The following NBEA variants were observed in gnomAD, a reference collection of about 807,000 sequenced individuals.
The protein encoded by NBEA is neurobeachin.
A neutral mutation model predicts 343.4 loss-of-function variants in NBEA; 44 were observed. That is an observed-to-expected ratio of 0.13 (90% CI 0.10 to 0.16). NBEA has a LOEUF of 0.16. Among genes scored for constraint, NBEA ranks in the 10% least tolerant of loss-of-function variants. NBEA has a pLI of 1.00. For missense variants in NBEA, 2,555 were observed against 3,631.3 expected, an observed-to-expected ratio of 0.70 and a Z score of 7.62; for synonymous variants, 1,175 against 1,238.7, an observed-to-expected ratio of 0.95 and a Z score of 1.08.
chr13:35,521,143 T>C (rs536947493), intron 41 of NBEA, among the ~76,000 whole-genome samples: 2 of 152,010 alleles, frequency 1.3e-5, no homozygotes, highest in East Asian at 1.9e-4. Context: ...TAAGGGAGGA[T>C]AATATTAGAT....
At chr13:34,992,262 ATTTT>A (rs1261240105) in intron 1 of NBEA, among the ~76,000 whole-genome samples, 1 of 114,366 alleles carries the variant, frequency 8.7e-6, no homozygotes. Context: ...ATATATATAT[ATTTT>A]TTTTTTTAGA....
intron 17 of NBEA, among the ~76,000 whole-genome samples, chr13:35,124,850 TGTAA>T (rs2067032610): frequency 6.6e-6 from 1 of 151,870 alleles, no homozygotes; most frequent in African/African-American, 2.4e-5. Context: ...TATATGGAAC[TGTAA>T]GTACACTTGG....
intron 22 of NBEA, 25 bp downstream of exon 22, chr13:35,160,057 G>T: frequency 6.7e-7 from 1 of 1,498,826 alleles, no homozygotes; most frequent in Non-Finnish European, 8.9e-7. Flanking sequence ...ATGAGTTCTA[G>T]AAATAAATAA....
intron 48 of NBEA, among the ~76,000 whole-genome samples, chr13:35,615,949 G>T (rs761373803): frequency 2.6e-5 from 4 of 152,156 alleles, no homozygotes; most frequent in African/African-American, 4.8e-5. Context: ...AGGAAACCCT[G>T]AACTTACAGC....
intron 36 of NBEA, among the ~76,000 whole-genome samples, chr13:35,332,522 G>A (rs1449815904): frequency 6.6e-6 from 1 of 151,788 alleles, no homozygotes; most frequent in African/African-American, 2.4e-5. Flanking sequence ...ATTTAACTTT[G>A]GATAACACCA....
At chr13:35,640,422 T>C (rs2083891054) in intron 49 of NBEA, among the ~76,000 whole-genome samples, 1 of 152,222 alleles carries the variant, frequency 6.6e-6, no homozygotes, top group African/African-American at 2.4e-5. Context: ...TTTCTCTGGC[T>C]CTCCAGGTAG....
chr13:35,660,332 A>G (rs1219177102), intron 55 of NBEA, among the ~76,000 whole-genome samples: 1 of 152,200 alleles, frequency 6.6e-6, no homozygotes, highest in Non-Finnish European at 1.5e-5. Context: ...AGTTTGATAT[A>G]CATACATACA....
intron 36 of NBEA, among the ~76,000 whole-genome samples, chr13:35,344,452 A>G (rs1470508267): frequency 6.6e-6 from 1 of 152,006 alleles, no homozygotes; most frequent in African/African-American, 2.4e-5. Flanking sequence ...AATAAGATAC[A>G]GTGGAGAAGA....
intron 31 of NBEA, among the ~76,000 whole-genome samples, chr13:35,198,784 C>T (rs1327277642): frequency 6.8e-6 from 1 of 148,128 alleles, no homozygotes; most frequent in Admixed American, 6.7e-5. Context: ...GTCTCGGGGG[C>T]GCTGATGACG....
At chr13:34,977,231 C>T (rs1479658604) in intron 1 of NBEA, among the ~76,000 whole-genome samples, 3 of 151,974 alleles carry the variant, frequency 2.0e-5, no homozygotes, top group African/African-American at 4.8e-5. Flanking sequence ...TGAGCCACTG[C>T]GCCCAGCTAG....
chr13:35,373,660 G>A (rs1220983422), intron 38 of NBEA, among the ~76,000 whole-genome samples: 1 of 151,608 alleles, frequency 6.6e-6, no homozygotes, highest in Admixed American at 6.6e-5. Context: ...AGATGTGATG[G>A]CGCCACTGCA....
intron 24 of NBEA, among the ~76,000 whole-genome samples, chr13:35,167,790 A>G (rs141860078): frequency 8.0e-4 from 121 of 151,984 alleles, no homozygotes; most frequent in African/African-American, 2.7e-3. Flanking sequence ...TTGGTCATAA[A>G]TGAAAGTGAA....
At position 34,942,702 on chromosome 13, in the gene NBEA, C is replaced by G; in HGVS notation, c.-119C>G. 1.3e-6 allele frequency: 1 copy of G among 753,730 alleles called. No homozygotes were observed. Among genetic ancestry groups the G allele is most frequent in the Non-Finnish European group, 1.8e-6 (1 of 556,022 alleles). The allele number at this position is 753,730 out of a possible 1,614,324, so 46.7% of individuals were successfully genotyped here. On this transcript the variant is annotated 5_prime_UTR_variant, in exon 1 of 59. Transcript: ENST00000379939. ...CAGGCGGGGAGCGGGCCCGGCGCCG[C>G]GGCGCTGGTGGATGCTGGGGCTCCG...
intron 45 of NBEA, among the ~76,000 whole-genome samples, chr13:35,583,393 C>CTA: frequency 6.6e-6 from 1 of 152,254 alleles, no homozygotes; most frequent in East Asian, 1.9e-4. Flanking sequence ...GTTGTTCCAT[C>CTA]TATATACTAA....
At position 35,547,109 on chromosome 13, in the gene NBEA, G is replaced by A. The variant is rs1266006148; in HGVS notation, c.6586-3368G>A. Among the ~76,000 whole-genome samples, 13 of 152,292 alleles carry A rather than the reference G, an allele frequency of 8.5e-5. No individual in the cohort carries two copies. The South Asian group carries it at 1.9e-3, about 22-fold the overall frequency. On this transcript the variant is annotated intron_variant, in intron 41 of 58. Transcript: ENST00000379939. The stretch of plus-strand genomic sequence containing the variant: ...TTTCAGATGCTTAAATATAACATGG[G>A]TTATTGTAAAGTAATTAGGTAGGTT...
At chr13:35,539,240 G>A (rs1474430916) in intron 41 of NBEA, among the ~76,000 whole-genome samples, 2 of 152,012 alleles carry the variant, frequency 1.3e-5, no homozygotes, top group Non-Finnish European at 2.9e-5. Flanking sequence ...TAAAAAGGTG[G>A]GTACAGGGTT....
chr13:35,460,417 G>A (rs7999665), intron 40 of NBEA, among the ~76,000 whole-genome samples: 2,679 of 152,258 alleles, frequency 0.018, 92 homozygotes, highest in African/African-American at 0.062. Context: ...AGCTCTTAGA[G>A]ACAACATTAA....
intron 1 of NBEA, among the ~76,000 whole-genome samples, chr13:34,965,124 G>A (rs1374367612): frequency 6.6e-6 from 1 of 152,072 alleles, no homozygotes; most frequent in Non-Finnish European, 1.5e-5. Context: ...TTGGTGAGGA[G>A]AAGCAGATTA....
intron 36 of NBEA, among the ~76,000 whole-genome samples, chr13:35,314,770 T>C (rs1482604306): frequency 1.3e-5 from 2 of 152,178 alleles, no homozygotes; most frequent in African/African-American, 4.8e-5. Context: ...TTATTACAGC[T>C]GCTATAAGTC....
Sources: allele counts gnomAD v4.1 joint callset (sites outside exome capture counted in the v4.1 genomes callset), GRCh38; gene constraint gnomAD v4.1.1; transcripts MANE v1.5; gene names NCBI Gene and HGNC (gene_info 2026-07-23, HGNC 2026-07-21).